The following UBE2L5 variants were observed in gnomAD, a reference collection of about 807,000 sequenced individuals.
The protein encoded by UBE2L5 is ubiquitin conjugating enzyme E2 L5.
A neutral mutation model predicts 10.0 loss-of-function variants in UBE2L5; 3 were observed. The ratio of observed to expected loss-of-function variants is 0.30; its 90% CI spans 0.14 to 0.78. UBE2L5 has a LOEUF of 0.78. UBE2L5 is among the 30% of genes least tolerant of loss of function. The probability of loss-of-function intolerance (pLI) is 0.65; values close to 1 mark genes in which losing one functional copy is unlikely to be tolerated. For synonymous variants in UBE2L5, 60 were observed against 71.9 expected, an observed-to-expected ratio of 0.83 and a Z score of 0.83; for missense variants, 131 against 193.3, an observed-to-expected ratio of 0.68 and a Z score of 1.91.
chr13:30,426,292 C>G (rs1473653684), intron 2 of UBE2L5, among the ~76,000 whole-genome samples: 1 of 151,956 alleles, frequency 6.6e-6, no homozygotes, highest in Non-Finnish European at 1.5e-5. Flanking sequence ...GCTTGGGAGA[C>G]AAGAGTGAAA....
intron 1 of UBE2L5, among the ~76,000 whole-genome samples, chr13:30,423,084 A>G (rs1050773928): frequency 6.6e-6 from 1 of 152,242 alleles, no homozygotes; most frequent in Non-Finnish European, 1.5e-5. Flanking sequence ...ACTGCTTTAG[A>G]ATGTTGTTTA....
intron 3 of UBE2L5, 124 bp from the exon 4 acceptor site, chr13:30,427,236 CA>C (rs1274448411): frequency 6.6e-6 from 1 of 152,072 alleles, no homozygotes; most frequent in African/African-American, 2.4e-5. Flanking sequence ...GAAAATGCCC[CA>C]AAATATATTA....
chr13:30,429,288 C>A lies in UBE2L5; in HGVS notation c.*833C>A, dbSNP rs11617940. On this transcript the variant is annotated 3_prime_UTR_variant, in exon 4 of 4. Transcript: ENST00000635918. ...CAACAAGAGCAAAACTCTGTCCCCC[C>A]CCCACAAAAAAAAATTGATTGAAAT... Among the ~76,000 whole-genome samples the A allele has an allele frequency of 6.6e-6, 1 of 151,272 alleles. No homozygotes were observed. The highest frequency in any genetic ancestry group is 2.4e-5 in the African/African-American group (1 of 41,044).
rs1437550960 is a variant in UBE2L5 at position 30,426,711 on chromosome 13, T to A, written c.-684-14T>A. 1.3e-5 allele frequency: 2 copies of A among 152,246 alleles called. No homozygotes were observed. The highest frequency in any genetic ancestry group is 2.9e-5 in the Non-Finnish European group (2 of 68,040). 9.4% of individuals were successfully genotyped at this position (152,246 alleles called of 1,614,324 possible). Reference sequence around the variant, plus strand: ...CTGTTACATTTTGATTCAAAATGTCTGTGTTTCTTCCAGGCTTTGATCAAA... The same window carrying A: ...CTGTTACATTTTGATTCAAAATGTCAGTGTTTCTTCCAGGCTTTGATCAAA... On this transcript the variant is annotated splice_polypyrimidine_tract_variant and intron_variant, in intron 2 of 3. Coordinates refer to ENST00000635918, the MANE Select transcript of UBE2L5 (RefSeq NM_001355247.2).
chr13:30,427,575 G>A lies in UBE2L5; in HGVS notation c.-416G>A, dbSNP rs1288872335. On this transcript the variant is annotated 5_prime_UTR_variant, in exon 4 of 4. Transcript: ENST00000635918. ...AGCACTTTGGGAGACTAACGCGGGC[G>A]GATCACTTGAGGTCAGGAGTTCGAG... 3.8e-5 allele frequency: 7 copies of A among 182,332 alleles called. No homozygotes were observed. The highest frequency in any genetic ancestry group is 6.9e-5 in the Non-Finnish European group (6 of 87,398). 11.3% of individuals were successfully genotyped at this position (182,332 alleles called of 1,614,324 possible). A position where few individuals can be genotyped will look rare whatever the true frequency, so the allele number is the denominator to read the frequency against.
chr13:30,428,115 A>G lies in UBE2L5; in HGVS notation c.125A>G (p.Asp42Gly). 8 of 1,610,212 alleles carry G rather than the reference A, an allele frequency of 5.0e-6. No homozygotes were observed. Among genetic ancestry groups the G allele is most frequent in the South Asian group, 1.1e-5 (1 of 91,004 alleles). Residue 42 changes from aspartate (D) to glycine (G), a missense_variant, in exon 4 of 4, where the codon GAC becomes GGC. Physicochemically the swap from Asp to Gly is moderately conservative, Grantham distance 94 (BLOSUM62 -1). Coordinates refer to ENST00000635918, the MANE Select transcript of UBE2L5 (RefSeq NM_001355247.2). ...ACTTGGCAAGGGCTTATTGTTCCTGACAACCCTCCGTATAATAAGGGGGCC... is the reference window on the plus strand; with the variant it reads ...ACTTGGCAAGGGCTTATTGTTCCTGGCAACCCTCCGTATAATAAGGGGGCC... ...LLTWQGLIVP[D>G]NPPYNKGAFR...
intron 1 of UBE2L5, among the ~76,000 whole-genome samples, 173 bp downstream of exon 1, chr13:30,422,850 G>T (rs1885483513): frequency 6.6e-6 from 1 of 152,146 alleles, no homozygotes; most frequent in Non-Finnish European, 1.5e-5. Context: ...CAAAAATTAG[G>T]ACACAGAGGG....
At position 30,428,443 on chromosome 13, in the gene UBE2L5, A is replaced by G. The variant is rs1186717997; in HGVS notation, c.453A>G (p.Arg151=). 3.1e-6 allele frequency: 5 copies of G among 1,610,916 alleles called. No individual in the cohort carries two copies. The highest frequency in any genetic ancestry group is 2.7e-5 in the African/African-American group (2 of 74,710). ...TTACAAAGAAATATGGGGAAAAGCG[A>G]CCTGTGGACTAAAATGTGCCACGAT... is the stretch of plus-strand genomic sequence containing the variant. ...EEFTKKYGEK[R]PVD Residue 151 remains arginine, a synonymous_variant, in exon 4 of 4, where the codon CGA becomes CGG. Coordinates refer to ENST00000635918, the MANE Select transcript of UBE2L5 (RefSeq NM_001355247.2).
intron 1 of UBE2L5, among the ~76,000 whole-genome samples, chr13:30,423,501 T>C (rs939170774): frequency 6.6e-6 from 1 of 152,086 alleles, no homozygotes; most frequent in African/African-American, 2.4e-5. Context: ...TTCCAGCTAT[T>C]AGGGAGGCTG....
intron 2 of UBE2L5, among the ~76,000 whole-genome samples, chr13:30,425,672 T>A (rs1885527407): frequency 1.3e-5 from 2 of 152,264 alleles, no homozygotes; most frequent in South Asian, 4.1e-4. Context: ...CTTGTGGGAC[T>A]TAATTTCCTT....
rs1885489483 is a variant in UBE2L5, at chr13:30,423,142, T to TGAGA, written c.-779+465_-779+466insGAGA. On this transcript the variant is annotated intron_variant, in intron 1 of 3. Transcript: ENST00000635918. Reference sequence around the variant, plus strand: ...CATATCTAGTTTTTGTGCATGTGTGTCAGAGACAGACAGACATGGATAACT... The same window carrying TGAGA: ...CATATCTAGTTTTTGTGCATGTGTGTGAGACAGAGACAGACAGACATGGATAACT... Among the ~76,000 whole-genome samples, 3 of 11,014 alleles carry TGAGA rather than the reference T, an allele frequency of 2.7e-4. No homozygotes were observed. The South Asian group carries it at 0.05, about 184-fold the overall frequency. 7.2% of individuals were successfully genotyped at this position (11,014 alleles called of 152,430 possible). A position where few individuals can be genotyped will look rare whatever the true frequency, so the allele number is the denominator to read the frequency against.
In UBE2L5 at chr13:30,428,707, AGTT is replaced by A. The variant is rs976706424; in HGVS notation, c.*259_*261del. 2.6e-5 allele frequency: 11 copies of A among 426,550 alleles called. No homozygotes were observed. The highest frequency in any genetic ancestry group is 5.9e-4 in the Middle Eastern group (1 of 1,690). 26.4% of individuals were successfully genotyped at this position (426,550 alleles called of 1,614,324 possible). A position where few individuals can be genotyped will look rare whatever the true frequency, so the allele number is the denominator to read the frequency against. ...AATAGACGGAACTATACACTGGACT[AGTT>A]GTTGTTTTAAAAACATAAAATCTGG... is the stretch of plus-strand genomic sequence containing the variant. On this transcript the variant is annotated 3_prime_UTR_variant, in exon 4 of 4. Transcript: ENST00000635918.
intron 1 of UBE2L5, among the ~76,000 whole-genome samples, chr13:30,423,333 G>A (rs1375984476): frequency 2.0e-5 from 3 of 152,298 alleles, no homozygotes; most frequent in South Asian, 2.1e-4. Flanking sequence ...AACTAGGGCC[G>A]GGTGTGGTGG....
intron 2 of UBE2L5, among the ~76,000 whole-genome samples, chr13:30,425,885 G>C (rs1458614760): frequency 6.6e-6 from 1 of 152,036 alleles, no homozygotes; most frequent in African/African-American, 2.4e-5. Context: ...TTTGCCGGGC[G>C]TGCCTGTAAT....
intron 2 of UBE2L5, among the ~76,000 whole-genome samples, chr13:30,425,928 C>T (rs548218317): frequency 5.3e-5 from 8 of 152,134 alleles, no homozygotes; most frequent in East Asian, 1.9e-4. Context: ...GCAGGAGAAT[C>T]GCTTGAACCT....
rs1034528986 is a variant in UBE2L5, at chr13:30,429,745, A to T, written c.*1290A>T. On this transcript the variant is annotated 3_prime_UTR_variant, in exon 4 of 4. Transcript: ENST00000635918. ...TTGGAACAAGAACTTTAATTAAAGG[A>T]TCAAAAAGCCCAAGCTCTTGCTTTT... 1.3e-5 allele frequency among the ~76,000 whole-genome samples: 2 copies of T among 152,266 alleles called. No individual in the cohort carries two copies. The highest frequency in any genetic ancestry group is 2.9e-5 in the Non-Finnish European group (2 of 68,044).
At chr13:30,423,199 C>A (rs191474659) in intron 1 of UBE2L5, among the ~76,000 whole-genome samples, 2 of 152,300 alleles carry the variant, frequency 1.3e-5, no homozygotes, top group Admixed American at 1.3e-4. Context: ...TTTAAGGCTT[C>A]TATACAGAGA....
rs536209567 is a variant in UBE2L5, at chr13:30,426,725, G to T, written c.-684G>T. On this transcript the variant is annotated splice_region_variant and 5_prime_UTR_variant, in exon 3 of 4. Coordinates refer to ENST00000635918, the MANE Select transcript of UBE2L5 (RefSeq NM_001355247.2). Reference sequence around the variant, plus strand: ...TTCAAAATGTCTGTGTTTCTTCCAGGCTTTGATCAAAATCAACCATTCCTT... The same window carrying T: ...TTCAAAATGTCTGTGTTTCTTCCAGTCTTTGATCAAAATCAACCATTCCTT... 6.6e-6 allele frequency: 1 copy of T among 152,250 alleles called. No individual in the cohort carries two copies. Among genetic ancestry groups the T allele is most frequent in the South Asian group, 2.1e-4 (1 of 4,824 alleles). The allele number at this position is 152,250 out of a possible 1,614,324, so 9.4% of individuals were successfully genotyped here. A position where few individuals can be genotyped will look rare whatever the true frequency, so the allele number is the denominator to read the frequency against.
intron 1 of UBE2L5, among the ~76,000 whole-genome samples, chr13:30,423,066 C>T (rs1033792219): frequency 2.0e-5 from 3 of 152,166 alleles, no homozygotes. Context: ...GTTTGTTGTT[C>T]TAAACTTACT....
Sources: allele counts gnomAD v4.1 joint callset (sites outside exome capture counted in the v4.1 genomes callset), GRCh38; gene constraint gnomAD v4.1.1; transcripts MANE v1.5; gene names NCBI Gene and HGNC (gene_info 2026-07-23, HGNC 2026-07-21).